Variants in ALMS1 observed in about 807,000 individuals in gnomAD.
The protein encoded by ALMS1 is ALMS1 centrosome and basal body associated protein, also known as centrosome-associated protein ALMS1.
A neutral mutation model predicts 352.2 loss-of-function variants in ALMS1; 271 were observed. That is an observed-to-expected ratio of 0.77 (90% CI 0.70 to 0.85). The LOEUF (loss-of-function observed/expected upper bound fraction) is 0.85, where lower values mean the gene tolerates loss of function less well. ALMS1 is among the 40% of genes least tolerant of loss of function. The pLI, the probability that ALMS1 is intolerant of heterozygous loss-of-function variation, is 0.00. For missense variants in ALMS1, 5,445 were observed against 4,870.7 expected (o/e 1.12, Z -3.51); for synonymous variants, 1,865 against 1,761.2 (o/e 1.06, Z -1.48).
chr2:73,603,119 C>T, intron 20 of ALMS1, 122 bp from the exon 21 acceptor site: 2 of 866,626 alleles, frequency 2.3e-6, no homozygotes, highest in Admixed American at 2.0e-5. Flanking sequence ...CATTGCTCCC[C>T]ACTCAGTCTT....
At chr2:73,389,745 A>G (rs1040994686) in intron 1 of ALMS1, among the ~76,000 whole-genome samples, 13 of 151,916 alleles carry the variant, frequency 8.6e-5, no homozygotes, top group Non-Finnish European at 1.5e-4. Context: ...GCTGGAGTGC[A>G]GTGTCACGAT....
At chr2:73,527,238 T>A (rs1388897615) in intron 11 of ALMS1, among the ~76,000 whole-genome samples, 1 of 151,596 alleles carries the variant, frequency 6.6e-6, no homozygotes, top group Non-Finnish European at 1.5e-5. Flanking sequence ...TTCTTTTCTT[T>A]TTTCTCTTTT....
intron 11 of ALMS1, among the ~76,000 whole-genome samples, chr2:73,522,653 G>A (rs1673709145): frequency 6.6e-6 from 1 of 152,030 alleles, no homozygotes; most frequent in African/African-American, 2.4e-5. Flanking sequence ...ATTTTTAGTA[G>A]AGATGGAGTT....
chr2:73,451,598 G>T lies in ALMS1; in HGVS notation c.5071G>T (p.Val1691Phe), dbSNP rs758247002. ...TCATTTACCTGAAGAAGCTCTGAAA[G>T]TTCCACCTGTTCCTGGACCAGATGC... ...DSHLPEEALKVPPVPGPDAQK... is the reference protein window; with the variant it reads ...DSHLPEEALKFPPVPGPDAQK... The change falls in exon 8 of 23, where the codon GTT becomes TTT. Residue 1691 changes from valine to phenylalanine, a missense_variant. Coordinates refer to ENST00000613296, the MANE Select transcript of ALMS1 (RefSeq NM_001378454.1). The T allele has an allele frequency of 6.2e-7, 1 of 1,614,056 alleles. No homozygotes were observed. Among genetic ancestry groups the T allele is most frequent in the East Asian group, 2.2e-5 (1 of 44,882 alleles).
intron 9 of ALMS1, among the ~76,000 whole-genome samples, chr2:73,461,340 A>G (rs1203598897): frequency 1.3e-5 from 2 of 152,244 alleles, no homozygotes; most frequent in Non-Finnish European, 1.5e-5. Context: ...TACCCAGGCA[A>G]ACAGGGTCTG....
At chr2:73,481,356 T>G (rs1032452646) in intron 9 of ALMS1, among the ~76,000 whole-genome samples, 1 of 152,204 alleles carries the variant, frequency 6.6e-6, no homozygotes, top group African/African-American at 2.4e-5. Flanking sequence ...TTGCTTGTTT[T>G]TCTCAGGTTT....
At chr2:73,404,612 A>G (rs1019077669) in intron 1 of ALMS1, among the ~76,000 whole-genome samples, 15 of 152,150 alleles carry the variant, frequency 9.9e-5, no homozygotes, top group African/African-American at 3.4e-4. Context: ...CCATCCTTGT[A>G]TTCCACGAAT....
chr2:73,507,844 C>G (rs888930540), intron 10 of ALMS1, among the ~76,000 whole-genome samples: 1 of 152,044 alleles, frequency 6.6e-6, no homozygotes, highest in African/African-American at 2.4e-5. Flanking sequence ...GCCCTCGCTT[C>G]TCTAGTTCTT....
chr2:73,387,758 T>C (rs968520202), intron 1 of ALMS1, among the ~76,000 whole-genome samples: 2 of 152,144 alleles, frequency 1.3e-5, no homozygotes, highest in Non-Finnish European at 1.5e-5. Flanking sequence ...ACAGCTGTGA[T>C]AGCAAGGTGG....
At chr2:73,496,360 C>G (rs1673106903) in intron 10 of ALMS1, among the ~76,000 whole-genome samples, 1 of 152,152 alleles carries the variant, frequency 6.6e-6, no homozygotes, top group Admixed American at 6.5e-5. Flanking sequence ...CCTTTTGGGT[C>G]TGAATTTTTT....
intron 20 of ALMS1, 82 bp from the exon 21 acceptor site, chr2:73,603,159 A>G (rs372154062): frequency 1.5e-6 from 2 of 1,358,168 alleles, no homozygotes; most frequent in East Asian, 2.3e-5. Flanking sequence ...ACCAAGTCCT[A>G]GCAGCTCCCT....
At position 73,482,093 on chromosome 2, in the gene ALMS1, G is replaced by C. The variant is rs569310083; in HGVS notation, c.7675-7541G>C. Among the ~76,000 whole-genome samples the C allele has an allele frequency of 5.9e-5, 9 of 152,194 alleles. No individual in the cohort carries two copies. In the East Asian group the frequency reaches 1.5e-3, roughly 26 times the overall value. ...TTTCCTTCTCCTGCCTAATTGCCCT[G>C]GCCAGAACTTCCAACACCATGTTGA... On this transcript the variant is annotated intron_variant, in intron 9 of 22. Transcript: ENST00000613296.
chr2:73,601,051 CA>C, intron 18 of ALMS1, 143 bp from the exon 19 acceptor site: 1 of 1,446,934 alleles, frequency 6.9e-7, no homozygotes, highest in Non-Finnish European at 9.5e-7. Flanking sequence ...ATCCCTGCAG[CA>C]AAACCAGACT....
intron 16 of ALMS1, among the ~76,000 whole-genome samples, chr2:73,581,997 C>A (rs1001906782): frequency 6.6e-6 from 1 of 152,170 alleles, no homozygotes; most frequent in Non-Finnish European, 1.5e-5. Context: ...CCGCCTTGGC[C>A]TCCCAAAATG....
Position 73,419,199 on chromosome 2 carries a change from A to G in ALMS1, c.527A>G (p.Asn176Ser). 2 of 1,614,014 alleles carry G rather than the reference A, an allele frequency of 1.2e-6. No homozygotes were observed. Among genetic ancestry groups the G allele is most frequent in the Middle Eastern group, 3.3e-4 (2 of 6,060 alleles). Residue 176 changes from asparagine to serine, a missense_variant, in exon 3 of 23, where the codon AAT (asparagine) becomes AGT (serine). Coordinates refer to ENST00000613296, the MANE Select transcript of ALMS1 (RefSeq NM_001378454.1). The part of the protein sequence containing the change: ...QTLDTSQTRF[N>S]VRTEDTEVTD... ...TTGGATACATCCCAGACTAGGTTTAATGTGAGAACGGAAGATACTGAAGTG... is the reference window on the plus strand; with the variant it reads ...TTGGATACATCCCAGACTAGGTTTAGTGTGAGAACGGAAGATACTGAAGTG...
chr2:73,386,308 G>C (rs879709360), intron 1 of ALMS1, 116 bp downstream of exon 1: 166 of 1,364,580 alleles, frequency 1.2e-4, no homozygotes, highest in Non-Finnish European at 1.5e-4. Context: ...GCGCGCAGCT[G>C]AGGCTAGTAG....
At chr2:73,564,254 T>G (rs1674754565) in intron 15 of ALMS1, among the ~76,000 whole-genome samples, 1 of 151,960 alleles carries the variant, frequency 6.6e-6, no homozygotes, top group South Asian at 2.1e-4. Context: ...TCACTTGAGA[T>G]CAGGAGTTCA....
chr2:73,497,468 A>G (rs1175114208), intron 10 of ALMS1, among the ~76,000 whole-genome samples: 1 of 152,044 alleles, frequency 6.6e-6, no homozygotes, highest in Admixed American at 6.6e-5. Context: ...TACCTCAGAT[A>G]TATTGCAGGT....
chr2:73,508,641 A>G lies in ALMS1; in HGVS notation c.9540-11134A>G, dbSNP rs370549470. ...TGTGGTCAATTTTAGAATAAGTGCT[A>G]TGTAGTACTGAGGAGAATGTATATT... On this transcript the variant is annotated intron_variant, in intron 10 of 22. Coordinates refer to ENST00000613296, the MANE Select transcript of ALMS1 (RefSeq NM_001378454.1). Among the ~76,000 whole-genome samples, 7 of 152,148 alleles carry G rather than the reference A, an allele frequency of 4.6e-5. No homozygotes were observed. In the East Asian group the frequency reaches 5.8e-4, roughly 13 times the overall value.
Sources: allele counts gnomAD v4.1 joint callset (sites outside exome capture counted in the v4.1 genomes callset), GRCh38; gene constraint gnomAD v4.1.1; transcripts MANE v1.5; gene names NCBI Gene and HGNC (gene_info 2026-07-23, HGNC 2026-07-21).